IKBKB: variants seen among roughly 807,000 people sequenced by gnomAD.
IKBKB encodes the protein inhibitor of nuclear factor kappa B kinase subunit beta.
IKBKB carries 42 observed loss-of-function variants against 113.6 expected under a neutral mutation model. That is an observed-to-expected ratio of 0.37 (90% CI 0.29 to 0.48). The LOEUF (loss-of-function observed/expected upper bound fraction) is 0.48. IKBKB is among the 20% of genes least tolerant of loss of function. The probability of loss-of-function intolerance (pLI) is 0.99; values close to 1 mark genes in which losing one functional copy is unlikely to be tolerated. For synonymous variants in IKBKB, 296 were observed against 361.3 expected, an observed-to-expected ratio of 0.82 and a Z score of 2.05; for missense variants, 673 against 939.7, an observed-to-expected ratio of 0.72 and a Z score of 3.71.
intron 16 of IKBKB, 169 bp downstream of exon 16, chr8:42,321,013 CTG>C: frequency 2.0e-6 from 1 of 507,484 alleles, no homozygotes. Flanking sequence ...GTTTCCAAAT[CTG>C]TTCAGTGACA....
chr8:42,275,242 C>A (rs1384937773), intron 2 of IKBKB, among the ~76,000 whole-genome samples: 2 of 151,600 alleles, frequency 1.3e-5, no homozygotes, highest in African/African-American at 2.4e-5. Context: ...AGGCTGAGTG[C>A]AGTGGTGCCA....
chr8:42,309,561 C>G (rs1176790741), intron 8 of IKBKB: 2 of 318,804 alleles, frequency 6.3e-6, no homozygotes, highest in Non-Finnish European at 1.2e-5. Context: ...TCCAGACCAG[C>G]CTGGCCAACA....
intron 8 of IKBKB, among the ~76,000 whole-genome samples, chr8:42,310,174 G>A (rs561514812): frequency 6.6e-6 from 1 of 152,304 alleles, no homozygotes; most frequent in South Asian, 2.1e-4. Flanking sequence ...ATTTAGGATT[G>A]TTCCTTGAGA....
Position 42,331,038 on chromosome 8 carries a change from G to A in IKBKB, c.*59G>A. Reference sequence around the variant, plus strand: ...CCCATAGCAGGCCTTGTGCAGTGGGGGGACTCGACCCCCTGACATGGGGCT... The same window carrying A: ...CCCATAGCAGGCCTTGTGCAGTGGGAGGACTCGACCCCCTGACATGGGGCT... On this transcript the variant is annotated 3_prime_UTR_variant, in exon 22 of 22. Coordinates refer to ENST00000520810, the MANE Select transcript of IKBKB (RefSeq NM_001556.3). 3 of 1,595,964 alleles carry A rather than the reference G, an allele frequency of 1.9e-6. No homozygotes were observed. The highest frequency in any genetic ancestry group is 2.6e-6 in the Non-Finnish European group (3 of 1,170,756).
At chr8:42,291,714 C>T (rs762131686) in intron 4 of IKBKB, among the ~76,000 whole-genome samples, 1 of 152,188 alleles carries the variant, frequency 6.6e-6, no homozygotes, top group Non-Finnish European at 1.5e-5. Flanking sequence ...TAGCTTGAGG[C>T]CAGGAGTTTG....
At position 42,290,148 on chromosome 8, in the gene IKBKB, C is replaced by A; in HGVS notation, c.201-8C>A. On this transcript the variant is annotated splice_region_variant and splice_polypyrimidine_tract_variant and intron_variant, in intron 3 of 21. Transcript: ENST00000520810. The stretch of plus-strand genomic sequence containing the variant: ...TGGGTCTGCTCTCATCGGTTTTCCT[C>A]CTCCTAGGCTGACCCACCCCAATGT... 1 of 1,608,824 alleles carries A rather than the reference C, an allele frequency of 6.2e-7. No individual in the cohort carries two copies. The highest frequency in any genetic ancestry group is 8.5e-7 in the Non-Finnish European group (1 of 1,175,620).
At chr8:42,300,084 G>A (rs1814852791) in intron 5 of IKBKB, among the ~76,000 whole-genome samples, 1 of 152,176 alleles carries the variant, frequency 6.6e-6, no homozygotes, top group Non-Finnish European at 1.5e-5. Context: ...TGAAGTTGTC[G>A]CACTTTCGCC....
At chr8:42,281,655 G>A (rs1246063929) in intron 2 of IKBKB, among the ~76,000 whole-genome samples, 1 of 152,188 alleles carries the variant, frequency 6.6e-6, no homozygotes, top group Non-Finnish European at 1.5e-5. Flanking sequence ...AACTGCAGCT[G>A]GATCCCGGAC....
chr8:42,286,157 A>G (rs1811376201), intron 2 of IKBKB, among the ~76,000 whole-genome samples: 1 of 152,214 alleles, frequency 6.6e-6, no homozygotes, highest in Admixed American at 6.5e-5. Context: ...TTGGGCTTTG[A>G]TGAAAGCAGC....
chr8:42,315,288 G>C (rs1585752745), intron 9 of IKBKB, among the ~76,000 whole-genome samples: 1 of 152,210 alleles, frequency 6.6e-6, no homozygotes, highest in Non-Finnish European at 1.5e-5. Context: ...CATATTTAGA[G>C]GGTGGAAGAG....
In IKBKB at chr8:42,316,167, T is replaced by C; in HGVS notation, c.801-43T>C. ...GGGAGACGCACACTGTAGCCCAACA[T>C]TGGCTGGAAGTGTCTCCTCACACAC... On this transcript the variant is annotated intron_variant, in intron 9 of 21. Transcript: ENST00000520810. The surrounding 1 kb of genome is among the most constrained non-coding windows in gnomAD (Gnocchi z 4.5). 2 of 1,607,522 alleles carry C rather than the reference T, an allele frequency of 1.2e-6. No individual in the cohort carries two copies. Among genetic ancestry groups the C allele is most frequent in the South Asian group, 1.1e-5 (1 of 90,576 alleles).
chr8:42,283,854 G>T (rs1810840989), intron 2 of IKBKB, among the ~76,000 whole-genome samples: 1 of 152,202 alleles, frequency 6.6e-6, no homozygotes, highest in Non-Finnish European at 1.5e-5. Flanking sequence ...GTCATTCTAA[G>T]GTAACGAACC....
At chr8:42,281,335 T>C (rs561881921) in intron 2 of IKBKB, among the ~76,000 whole-genome samples, 2 of 152,308 alleles carry the variant, frequency 1.3e-5, no homozygotes, top group Admixed American at 1.3e-4. Context: ...TGTGGTCGGA[T>C]GCTGTGTTTC....
chr8:42,271,797 A>G (rs141420666), intron 1 of IKBKB: 23 of 517,760 alleles, frequency 4.4e-5, no homozygotes, highest in African/African-American at 2.2e-4. Flanking sequence ...TGGTGGAGTC[A>G]GCTGGGGATC....
chr8:42,298,648 C>G (rs1814434063), intron 5 of IKBKB, among the ~76,000 whole-genome samples: 1 of 152,200 alleles, frequency 6.6e-6, no homozygotes, highest in African/African-American at 2.4e-5. Flanking sequence ...GAGAAGACAG[C>G]AGGCCCTCAG....
intron 9 of IKBKB, among the ~76,000 whole-genome samples, chr8:42,315,003 C>G (rs530344609): frequency 6.6e-6 from 1 of 152,300 alleles, no homozygotes; most frequent in Non-Finnish European, 1.5e-5. Flanking sequence ...TACCTTGTAT[C>G]ACATTCGGTT....
chr8:42,288,781 G>A lies in IKBKB; in HGVS notation c.200+53G>A, dbSNP rs1320870939. On this transcript the variant is annotated intron_variant, in intron 3 of 21. Coordinates refer to ENST00000520810, the MANE Select transcript of IKBKB (RefSeq NM_001556.3). Reference sequence around the variant, plus strand: ...GGGAAAGCTGGAGCAGCAGCCCCCGGTGTGTCTAGAAAGGAGAGTCTTGCT... The same window carrying A: ...GGGAAAGCTGGAGCAGCAGCCCCCGATGTGTCTAGAAAGGAGAGTCTTGCT... 1.2e-5 allele frequency: 17 copies of A among 1,427,508 alleles called. 1 individual carries two copies. Among genetic ancestry groups the A allele is most frequent in the South Asian group, 1.1e-4 (9 of 82,888 alleles). 88.4% of individuals were successfully genotyped at this position (1,427,508 alleles called of 1,614,324 possible). A position where few individuals can be genotyped will look rare whatever the true frequency, so the allele number is the denominator to read the frequency against.
chr8:42,277,686 C>T (rs1444242716), intron 2 of IKBKB, among the ~76,000 whole-genome samples: 2 of 152,198 alleles, frequency 1.3e-5, no homozygotes, highest in African/African-American at 2.4e-5. Flanking sequence ...TCCTCATATG[C>T]GTCTGGGATG....
chr8:42,305,901 C>T (rs917805837), intron 6 of IKBKB, among the ~76,000 whole-genome samples: 2 of 152,244 alleles, frequency 1.3e-5, no homozygotes, highest in Non-Finnish European at 2.9e-5. Flanking sequence ...CATACAGCTG[C>T]CCTTAGCACC....
Sources: allele counts gnomAD v4.1 joint callset (sites outside exome capture counted in the v4.1 genomes callset), GRCh38; gene constraint gnomAD v4.1.1; non-coding constraint Gnocchi (gnomAD v3.1); transcripts MANE v1.5; gene names NCBI Gene and HGNC (gene_info 2026-07-23, HGNC 2026-07-21).